Variants in PRKAG2 observed in about 807,000 individuals in gnomAD.
PRKAG2 encodes 5'-AMP-activated protein kinase subunit gamma-2.
In PRKAG2, 26 loss-of-function variants were observed where a neutral mutation model predicts 69.6. That is an observed-to-expected ratio of 0.37 (90% CI 0.27 to 0.52). The LOEUF (loss-of-function observed/expected upper bound fraction) is 0.52, where lower values mean the gene tolerates loss of function less well. Ranked by LOEUF, PRKAG2 falls within the 20% of genes least tolerant of loss-of-function variation. The probability of loss-of-function intolerance (pLI) is 0.90; values close to 1 mark genes in which losing one functional copy is unlikely to be tolerated. For missense variants in PRKAG2, 557 were observed against 740.0 expected (o/e 0.75, Z 2.87); for synonymous variants, 293 against 285.0 (o/e 1.03, Z -0.28).
intron 3 of PRKAG2, among the ~76,000 whole-genome samples, chr7:151,732,151 T>C (rs1799048390): frequency 6.7e-6 from 1 of 148,672 alleles, no homozygotes; most frequent in Admixed American, 6.7e-5. Flanking sequence ...TTTTTTTTTT[T>C]TTTTGAGACA....
intron 4 of PRKAG2, among the ~76,000 whole-genome samples, chr7:151,671,705 T>C (rs1832071115): frequency 6.6e-6 from 1 of 152,282 alleles, no homozygotes; most frequent in Non-Finnish European, 1.5e-5. Flanking sequence ...GTTAACCTGC[T>C]GCCAGGATGC....
At chr7:151,634,689 T>A (rs1180674119) in intron 4 of PRKAG2, among the ~76,000 whole-genome samples, 3 of 152,108 alleles carry the variant, frequency 2.0e-5, no homozygotes, top group Non-Finnish European at 4.4e-5. Flanking sequence ...ATAATCCAAT[T>A]AGAACATAGG....
At chr7:151,673,473 C>A (rs1367343444) in intron 4 of PRKAG2, among the ~76,000 whole-genome samples, 1 of 152,164 alleles carries the variant, frequency 6.6e-6, no homozygotes, top group African/African-American at 2.4e-5. Flanking sequence ...CCCGGCGAAA[C>A]CGCTCTCCCC....
At chr7:151,577,129 A>T (rs1809144490) in intron 6 of PRKAG2, among the ~76,000 whole-genome samples, 1 of 151,554 alleles carries the variant, frequency 6.6e-6, no homozygotes, top group Non-Finnish European at 1.5e-5. Flanking sequence ...GTTGTATCAA[A>T]TTACCTGAAA....
intron 3 of PRKAG2, among the ~76,000 whole-genome samples, chr7:151,743,793 T>C (rs996685424): frequency 6.6e-6 from 1 of 152,204 alleles, no homozygotes; most frequent in South Asian, 2.1e-4. Flanking sequence ...GAGGACGCTT[T>C]TGTGGCTGTT....
At chr7:151,782,388 G>GAAGGAAA (rs1479501798) in intron 2 of PRKAG2, among the ~76,000 whole-genome samples, 3 of 56,218 alleles carry the variant, frequency 5.3e-5, no homozygotes, top group African/African-American at 1.7e-4. Context: ...AAAGAAGGAA[G>GAAGGAAA]GAAGGAAGGA....
At chr7:151,738,689 G>C (rs569771048) in intron 3 of PRKAG2, among the ~76,000 whole-genome samples, 2 of 152,368 alleles carry the variant, frequency 1.3e-5, no homozygotes, top group African/African-American at 4.8e-5. Context: ...TTTCCCTTAA[G>C]GGATGCTTTT....
intron 4 of PRKAG2, among the ~76,000 whole-genome samples, chr7:151,634,527 A>G (rs1337583883): frequency 6.6e-6 from 1 of 152,166 alleles, no homozygotes; most frequent in Non-Finnish European, 1.5e-5. Flanking sequence ...GCTACACAGT[A>G]GGAGAAAATA....
chr7:151,755,072 G>T (rs1469230008), intron 3 of PRKAG2, among the ~76,000 whole-genome samples: 1 of 152,172 alleles, frequency 6.6e-6, no homozygotes, highest in East Asian at 1.9e-4. Context: ...CTGAAGCCCG[G>T]ATGCCCCTTC....
At chr7:151,774,174 C>G (rs2076221118) in intron 3 of PRKAG2, among the ~76,000 whole-genome samples, 1 of 152,112 alleles carries the variant, frequency 6.6e-6, no homozygotes, top group African/African-American at 2.4e-5. Flanking sequence ...AGAACGCCAG[C>G]CACACTACGA....
chr7:151,798,114 C>T (rs957272986), intron 1 of PRKAG2, among the ~76,000 whole-genome samples: 3 of 152,184 alleles, frequency 2.0e-5, no homozygotes, highest in African/African-American at 7.2e-5. Context: ...AAGTGATTCT[C>T]CTGCCTCAGC....
intron 1 of PRKAG2, chr7:151,809,389 C>T (rs962959990): frequency 4.0e-5 from 15 of 377,522 alleles, no homozygotes; most frequent in South Asian, 9.5e-5. Context: ...TTGTGGTGGC[C>T]GCTCCACCTG....
At position 151,874,136 on chromosome 7, in the gene PRKAG2, GTA is replaced by G. The variant is rs376819260; in HGVS notation, c.114+2369_114+2370del. 7.8e-5 allele frequency among the ~76,000 whole-genome samples: 10 copies of G among 127,464 alleles called. 1 individual carries two copies. Among genetic ancestry groups the G allele is most frequent in the African/African-American group, 3.0e-4 (10 of 33,794 alleles). The allele number at this position is 127,464 out of a possible 152,430, so 83.6% of individuals were successfully genotyped here. A position where few individuals can be genotyped will look rare whatever the true frequency, so the allele number is the denominator to read the frequency against. On this transcript the variant is annotated intron_variant, in intron 1 of 15. Coordinates refer to ENST00000287878, the MANE Select transcript of PRKAG2 (RefSeq NM_016203.4). The stretch of plus-strand genomic sequence containing the variant: ...ATATGTATATGTATATGATGTATAT[GTA>G]TATATGTATATGTATATGATGTATA...
intron 6 of PRKAG2, among the ~76,000 whole-genome samples, chr7:151,587,764 T>C (rs899664896): frequency 1.3e-5 from 2 of 152,144 alleles, no homozygotes; most frequent in African/African-American, 4.8e-5. Context: ...TAAGGAGGCA[T>C]GATGACGAGA....
At chr7:151,732,638 G>A (rs562177575) in intron 3 of PRKAG2, among the ~76,000 whole-genome samples, 2 of 152,282 alleles carry the variant, frequency 1.3e-5, no homozygotes, top group South Asian at 2.1e-4. Context: ...GCTACAGACC[G>A]TGCTCCTGAG....
intron 3 of PRKAG2, among the ~76,000 whole-genome samples, chr7:151,685,536 G>A (rs1034844080): frequency 5.3e-5 from 8 of 152,110 alleles, no homozygotes; most frequent in African/African-American, 1.9e-4. Context: ...TTGGGAGGCC[G>A]AGAAGGGAGG....
chr7:151,573,609 C>G (rs1295365994), intron 8 of PRKAG2, among the ~76,000 whole-genome samples: 2 of 152,186 alleles, frequency 1.3e-5, no homozygotes, highest in Admixed American at 6.5e-5. Flanking sequence ...AGAAATCTAT[C>G]TATTCAAAAA....
intron 4 of PRKAG2, among the ~76,000 whole-genome samples, chr7:151,643,875 A>G (rs1308586902): frequency 6.6e-6 from 1 of 152,260 alleles, no homozygotes; most frequent in African/African-American, 2.4e-5. Context: ...CATCAGTACA[A>G]TTATACGATG....
chr7:151,730,156 C>T (rs907910070), intron 3 of PRKAG2, among the ~76,000 whole-genome samples: 2 of 152,186 alleles, frequency 1.3e-5, no homozygotes, highest in African/African-American at 4.8e-5. Flanking sequence ...GTATTATGTA[C>T]ATCTGACCAC....
Sources: allele counts gnomAD v4.1 joint callset (sites outside exome capture counted in the v4.1 genomes callset), GRCh38; gene constraint gnomAD v4.1.1; transcripts MANE v1.5; gene names NCBI Gene and HGNC (gene_info 2026-07-23, HGNC 2026-07-21).